Variants in CD44 observed in about 807,000 individuals in gnomAD.
The protein encoded by CD44 is CD44 antigen.
Under a neutral mutation model 88.8 loss-of-function variants are expected in CD44, and 49 were observed. The observed-to-expected ratio is 0.55, with a 90% CI of 0.44 to 0.70. CD44 has a LOEUF of 0.70. Ranked by LOEUF, CD44 falls within the 30% of genes least tolerant of loss-of-function variation. CD44 has a pLI of 0.00. For missense variants in CD44, 883 were observed against 913.8 expected, an observed-to-expected ratio of 0.97 and a Z score of 0.43; for synonymous variants, 325 against 312.3, an observed-to-expected ratio of 1.04 and a Z score of -0.43.
At chr11:35,223,123 G>A (rs1949438260) in intron 17 of CD44, 7 of 985,368 alleles carry the variant, frequency 7.1e-6, no homozygotes, top group Non-Finnish European at 8.4e-6. Context: ...TTAAAAAGTA[G>A]TTATGCTACC....
chr11:35,209,551 C>T (rs995287713), intron 12 of CD44, among the ~76,000 whole-genome samples: 6 of 152,030 alleles, frequency 3.9e-5, no homozygotes, highest in African/African-American at 1.4e-4. Flanking sequence ...TTTTCCCTGC[C>T]GTCACATTTC....
intron 1 of CD44, chr11:35,139,673 T>C: frequency 3.1e-6 from 2 of 644,306 alleles, no homozygotes; most frequent in Admixed American, 1.9e-5. Context: ...GTAACCGTTC[T>C]CCCGGATGCG....
At chr11:35,168,945 A>C (rs1943587181) in intron 1 of CD44, among the ~76,000 whole-genome samples, 1 of 152,232 alleles carries the variant, frequency 6.6e-6, no homozygotes, top group South Asian at 2.1e-4. Context: ...TTACAAAACT[A>C]AAAGTTGGTC....
intron 1 of CD44, among the ~76,000 whole-genome samples, chr11:35,174,531 A>G (rs1222948020): frequency 1.3e-5 from 2 of 152,232 alleles, no homozygotes; most frequent in African/African-American, 2.4e-5. Context: ...CGGGGGTCAT[A>G]TAGTCCCAGG....
At chr11:35,188,937 C>T (rs1323943340) in intron 4 of CD44, among the ~76,000 whole-genome samples, 3 of 147,626 alleles carry the variant, frequency 2.0e-5, no homozygotes, top group East Asian at 3.9e-4. Context: ...GACTCCATCT[C>T]GAAAAAAAAA....
At position 35,194,774 on chromosome 11, in the gene CD44, T is replaced by C. The variant is rs553976019; in HGVS notation, c.668-1972T>C. 2.6e-5 allele frequency among the ~76,000 whole-genome samples: 4 copies of C among 152,360 alleles called. No individual in the cohort carries two copies. The South Asian group carries it at 6.2e-4, about 24-fold the overall frequency. ...GTGTATATAGAATCAGAATGATTTT[T>C]CCATCAGAGGAAGGAAAAACTATGA... On this transcript the variant is annotated intron_variant, in intron 5 of 17. Coordinates refer to ENST00000428726, the MANE Select transcript of CD44 (RefSeq NM_000610.4).
chr11:35,145,633 T>G (rs1380578561), intron 1 of CD44, among the ~76,000 whole-genome samples: 2 of 151,948 alleles, frequency 1.3e-5, no homozygotes, highest in Non-Finnish European at 2.9e-5. Flanking sequence ...ACAAAAACAC[T>G]CCCCAGCAGC....
chr11:35,169,737 A>T (rs1262568947), intron 1 of CD44, among the ~76,000 whole-genome samples: 1 of 152,242 alleles, frequency 6.6e-6, no homozygotes, highest in Non-Finnish European at 1.5e-5. Flanking sequence ...ATGTGCTCGG[A>T]CAATTTTATC....
chr11:35,204,450 G>A (rs1947631921), intron 9 of CD44, 62 bp from the exon 10 acceptor site: 3 of 1,555,218 alleles, frequency 1.9e-6, no homozygotes, highest in East Asian at 2.3e-5. Flanking sequence ...AGAAAGATAT[G>A]TTGACAGCTA....
At chr11:35,164,319 A>G (rs945723382) in intron 1 of CD44, among the ~76,000 whole-genome samples, 1 of 152,230 alleles carries the variant, frequency 6.6e-6, no homozygotes, top group East Asian at 1.9e-4. Flanking sequence ...GATTGTACTC[A>G]GCCTCACTTG....
chr11:35,192,516 T>C (rs1347966611), intron 5 of CD44, among the ~76,000 whole-genome samples: 3 of 151,692 alleles, frequency 2.0e-5, no homozygotes, highest in Non-Finnish European at 4.4e-5. Flanking sequence ...TCAAGAGGAG[T>C]GCTGGCTGAG....
intron 1 of CD44, 169 bp downstream of exon 1, chr11:35,139,539 G>T (rs1407574189): frequency 2.6e-6 from 2 of 774,172 alleles, no homozygotes; most frequent in East Asian, 4.9e-5. Context: ...TAAACCGTTG[G>T]AGAATGTGTC....
In CD44 at chr11:35,211,412, T is replaced by C. The variant is rs753278083; in HGVS notation, c.1773T>C (p.Val591=). Residue 591 remains valine, a synonymous_variant, in exon 14 of 18, where the codon GTT becomes GTC. Transcript: ENST00000428726. ...TGSFGVTAVT[V]GDSNSNVNRS... Reference sequence around the variant, plus strand: ...CCTTTGGAGTTACTGCAGTTACTGTTGGAGATTCCAACTCTAATGTCAATC... The same window carrying C: ...CCTTTGGAGTTACTGCAGTTACTGTCGGAGATTCCAACTCTAATGTCAATC... The C allele has an allele frequency of 1.9e-6, 3 of 1,614,044 alleles. No individual in the cohort carries two copies. The highest frequency in any genetic ancestry group is 1.1e-5 in the South Asian group (1 of 91,078).
Position 35,196,857 on chromosome 11 carries a change from C to G in CD44, c.779C>G (p.Thr260Arg), listed in dbSNP as rs145413947. Residue 260 changes from threonine (T) to arginine (R), a missense_variant, in exon 6 of 18, where the codon ACA becomes AGA. Thr to Arg is a moderately conservative substitution (Grantham distance 71). Coordinates refer to ENST00000428726, the MANE Select transcript of CD44 (RefSeq NM_000610.4). ...LPSESKNHLH[T>R]TTQMAGTSSN... Reference sequence around the variant, plus strand: ...TCAGAGTCAAAGAATCATCTTCACACAACAACACAAATGGCTGGTAATGAG... The same window carrying G: ...TCAGAGTCAAAGAATCATCTTCACAGAACAACACAAATGGCTGGTAATGAG... 7 of 1,613,292 alleles carry G rather than the reference C, an allele frequency of 4.3e-6. No homozygotes were observed. The highest frequency in any genetic ancestry group is 5.9e-6 in the Non-Finnish European group (7 of 1,179,532).
At chr11:35,203,790 G>A (rs1381247155) in intron 9 of CD44, among the ~76,000 whole-genome samples, 2 of 151,836 alleles carry the variant, frequency 1.3e-5, no homozygotes, top group African/African-American at 2.4e-5. Flanking sequence ...ACACCTTGAT[G>A]GAATTATATT....
intron 16 of CD44, among the ~76,000 whole-genome samples, chr11:35,220,442 T>C (rs7945310): frequency 0.64 from 97,887 of 152,036 alleles, 31,657 homozygotes; most frequent in South Asian, 0.75. Context: ...GCAAAGGTAG[T>C]GCTGAGCAGG....
chr11:35,201,690 C>T lies in CD44; in HGVS notation c.1056C>T (p.Thr352=), dbSNP rs1947329013. The T allele has an allele frequency of 6.2e-7, 1 of 1,613,650 alleles. No individual in the cohort carries two copies. ...CAGCAGATGTAGACAGAAATGGCAC[C>T]ACTGCTTATGAAGGAAACTGGAACC... ...TRMTDVDRNG[T]TAYEGNWNPE... The change falls in exon 9 of 18, where the codon ACC becomes ACT. Residue 352 remains threonine (T), a synonymous_variant. Transcript: ENST00000428726.
At chr11:35,151,838 G>A (rs1017620077) in intron 1 of CD44, among the ~76,000 whole-genome samples, 1 of 152,320 alleles carries the variant, frequency 6.6e-6, no homozygotes, top group Admixed American at 6.5e-5. Flanking sequence ...AGTCACTTGA[G>A]CCTTTTGTTA....
At position 35,232,142 on chromosome 11, in the gene CD44, T is replaced by C. The variant is rs1458561002; in HGVS notation, c.*2809T>C. 2 of 152,592 alleles carry C rather than the reference T, an allele frequency of 1.3e-5. No individual in the cohort carries two copies. The highest frequency in any genetic ancestry group is 1.3e-4 in the Admixed American group (2 of 15,274). The allele number at this position is 152,592 out of a possible 1,614,324, so 9.5% of individuals were successfully genotyped here. A position where few individuals can be genotyped will look rare whatever the true frequency, so the allele number is the denominator to read the frequency against. On this transcript the variant is annotated 3_prime_UTR_variant, in exon 18 of 18. Coordinates refer to ENST00000428726, the MANE Select transcript of CD44 (RefSeq NM_000610.4). ...TTAAGAATAAGAATAACATGGTCCA[T>C]TCACCTTTATGTTATAGATATGTCT...
Sources: gnomAD v4.1 joint callset for allele counts (sites outside exome capture counted in the v4.1 genomes callset) on GRCh38, gnomAD v4.1.1 for gene constraint, MANE v1.5 for transcripts, NCBI Gene and HGNC (gene_info 2026-07-23, HGNC 2026-07-21) for gene names.